The following MROH9 variants were observed in gnomAD, a reference collection of about 807,000 sequenced individuals.
MROH9 encodes the protein maestro heat like repeat family member 9, also known as maestro heat-like repeat-containing protein family member 9.
In MROH9, 92 loss-of-function variants were observed where a neutral mutation model predicts 98.2. The ratio of observed to expected loss-of-function variants is 0.94; its 90% CI spans 0.79 to 1.11. The LOEUF (loss-of-function observed/expected upper bound fraction) is 1.11. Ranked by LOEUF, MROH9 falls within the 50% of genes most tolerant of loss-of-function variation. The probability of loss-of-function intolerance (pLI) is 0.00; values close to 1 mark genes in which losing one functional copy is unlikely to be tolerated. For missense variants in MROH9, 1,057 were observed against 1,014.8 expected (o/e 1.04, Z -0.57); for synonymous variants, 397 against 368.9 (o/e 1.08, Z -0.87).
chr1:170,998,496 G>C, intron 15 of MROH9: 3 of 1,478,980 alleles, frequency 2.0e-6, no homozygotes, highest in Non-Finnish European at 2.7e-6. Flanking sequence ...GTTTTTCTCT[G>C]TTTCTAGGGG....
At chr1:170,970,744 G>GAGAGAC (rs1650423398) in intron 7 of MROH9, among the ~76,000 whole-genome samples, 1 of 140,576 alleles carries the variant, frequency 7.1e-6, no homozygotes, top group Admixed American at 7.1e-5. Context: ...GAGAGAGAGA[G>GAGAGAC]AGAGAGAGAG....
chr1:170,969,406 T>C (rs1650353277), intron 7 of MROH9, among the ~76,000 whole-genome samples: 1 of 152,198 alleles, frequency 6.6e-6, no homozygotes. Flanking sequence ...TGTTATTCTG[T>C]TCTATGAAAC....
intron 10 of MROH9, among the ~76,000 whole-genome samples, 163 bp downstream of exon 10, chr1:170,986,873 C>T (rs1443401092): frequency 1.3e-5 from 2 of 152,106 alleles, no homozygotes; most frequent in East Asian, 3.8e-4. Context: ...TACTTAGAGA[C>T]AGGGTCTTGC....
intron 9 of MROH9, among the ~76,000 whole-genome samples, chr1:170,984,553 C>A (rs1044946117): frequency 2.0e-5 from 3 of 152,190 alleles, no homozygotes; most frequent in Non-Finnish European, 4.4e-5. Context: ...ATCCTCCACT[C>A]CAGTATCCTG....
intron 3 of MROH9, among the ~76,000 whole-genome samples, chr1:170,956,661 G>A (rs558015315): frequency 7.7e-5 from 11 of 142,714 alleles, no homozygotes; most frequent in South Asian, 4.3e-4. Context: ...CCCCTTGGTC[G>A]CTGTTGGTAT....
Position 171,025,316 on chromosome 1 carries a change from A to G in MROH9, c.2179-2A>G. 1 of 1,528,680 alleles carries G rather than the reference A, an allele frequency of 6.5e-7. No homozygotes were observed. Among genetic ancestry groups the G allele is most frequent in the Non-Finnish European group, 8.9e-7 (1 of 1,126,692 alleles). The allele number at this position is 1,528,680 out of a possible 1,614,324, so 94.7% of individuals were successfully genotyped here. A position where few individuals can be genotyped will look rare whatever the true frequency, so the allele number is the denominator to read the frequency against. On this transcript the variant is annotated splice_acceptor_variant, in intron 19 of 21. Coordinates refer to ENST00000367759, the MANE Select transcript of MROH9 (RefSeq NM_001163629.2). LOFTEE classifies it high-confidence loss of function. ...GGTGCTTTTTTCCCTTTTTATTCTC[A>G]GATTATTTCTCATAGGAACTACATT... is the stretch of plus-strand genomic sequence containing the variant.
At chr1:170,988,994 A>G (rs1486470657) in intron 10 of MROH9, among the ~76,000 whole-genome samples, 1 of 152,096 alleles carries the variant, frequency 6.6e-6, no homozygotes, top group East Asian at 1.9e-4. Flanking sequence ...CTTGGAACCT[A>G]CGTGGTTGGA....
intron 8 of MROH9, among the ~76,000 whole-genome samples, chr1:170,980,473 A>G (rs1650886636): frequency 6.6e-6 from 1 of 152,202 alleles, no homozygotes; most frequent in Non-Finnish European, 1.5e-5. Flanking sequence ...CCACACATCT[A>G]CAACTATCTG....
intron 12 of MROH9, among the ~76,000 whole-genome samples, chr1:170,993,146 T>C (rs918381670): frequency 6.6e-6 from 1 of 152,190 alleles, no homozygotes; most frequent in Non-Finnish European, 1.5e-5. Flanking sequence ...TATCATCTAA[T>C]TGAATCCCCA....
In MROH9 at chr1:171,034,994, C is replaced by A. The variant is rs565609364; in HGVS notation, c.2281+9574C>A. On this transcript the variant is annotated intron_variant, in intron 20 of 21. Coordinates refer to ENST00000367759, the MANE Select transcript of MROH9 (RefSeq NM_001163629.2). ...GCAACGACAATTGGAAGTGCACAAA[C>A]AAAAGGACTCCTGACACCCTACACA... Among the ~76,000 whole-genome samples, 13 of 152,164 alleles carry A rather than the reference C, an allele frequency of 8.5e-5. No homozygotes were observed. The South Asian group carries it at 2.1e-3, about 24-fold the overall frequency.
intron 1 of MROH9, among the ~76,000 whole-genome samples, chr1:170,939,534 A>G (rs59510951): frequency 0.097 from 14,753 of 152,268 alleles, 1,142 homozygotes; most frequent in African/African-American, 0.21. Flanking sequence ...CCATGAAGCC[A>G]TAGTTGCAGG....
chr1:170,989,888 CTG>C lies in MROH9; in HGVS notation c.918_919del (p.Cys306Ter), dbSNP rs751120860. The C allele has an allele frequency of 6.2e-7, 1 of 1,608,672 alleles. No individual in the cohort carries two copies. The highest frequency in any genetic ancestry group is 8.5e-7 in the Non-Finnish European group (1 of 1,176,154). ...SKIVDAIYRQ[L>X]CDNNCMKDVM... ...GATCGTGGATGCTATTTACAGGCAA[CTG>C]TGTGATAACAATTGTATGAAGGATG... On this transcript the variant is annotated frameshift_variant, in exon 11 of 22. Coordinates refer to ENST00000367759, the MANE Select transcript of MROH9 (RefSeq NM_001163629.2). LOFTEE classifies it high-confidence loss of function.
At chr1:171,000,409 T>C (rs150526184) in intron 15 of MROH9, among the ~76,000 whole-genome samples, 1 of 152,108 alleles carries the variant, frequency 6.6e-6, no homozygotes, top group Non-Finnish European at 1.5e-5. Flanking sequence ...TTAAGCTATG[T>C]CCCTTGTATG....
intron 3 of MROH9, among the ~76,000 whole-genome samples, chr1:170,953,039 T>C (rs1379289487): frequency 1.3e-5 from 2 of 152,144 alleles, no homozygotes; most frequent in Admixed American, 6.6e-5. Flanking sequence ...CTTTGAAATA[T>C]ACTTGTCAAA....
At chr1:171,019,831 C>T (rs1326211785) in intron 17 of MROH9, among the ~76,000 whole-genome samples, 2 of 151,986 alleles carry the variant, frequency 1.3e-5, no homozygotes, top group Non-Finnish European at 2.9e-5. Context: ...AATCCAAGAG[C>T]TGGTTTGCTG....
chr1:170,971,917 CTAAGAA>C, intron 8 of MROH9, 34 bp downstream of exon 8: 2 of 1,607,052 alleles, frequency 1.2e-6, no homozygotes, highest in Non-Finnish European at 1.7e-6. Context: ...CTCAGGATTA[CTAAGAA>C]TATGTCCCTC....
At chr1:171,036,695 C>G (rs1193041923) in intron 20 of MROH9, among the ~76,000 whole-genome samples, 1 of 149,622 alleles carries the variant, frequency 6.7e-6, no homozygotes, top group East Asian at 2.0e-4. Flanking sequence ...ACAAATGCAA[C>G]AGCAAATAGC....
chr1:170,998,553 A>C, intron 15 of MROH9: 1 of 1,398,684 alleles, frequency 7.1e-7, no homozygotes, highest in Non-Finnish European at 9.3e-7. Context: ...CAGTTTATAT[A>C]TTTCTGCATG....
At chr1:170,989,721 A>T in intron 10 of MROH9, 134 bp from the exon 11 acceptor site, 1 of 664,618 alleles carries the variant, frequency 1.5e-6, no homozygotes, top group Non-Finnish European at 2.5e-6. Flanking sequence ...GCTTTCTACT[A>T]GTGCTTATCT....
Sources: allele counts gnomAD v4.1 joint callset (sites outside exome capture counted in the v4.1 genomes callset), GRCh38; gene constraint gnomAD v4.1.1; transcripts MANE v1.5; gene names NCBI Gene and HGNC (gene_info 2026-07-23, HGNC 2026-07-21).